Variants in AP3S2 observed in about 807,000 individuals in gnomAD.
AP3S2 encodes the protein adaptor related protein complex 3 subunit sigma 2.
AP3S2 carries 22 observed loss-of-function variants against 23.4 expected under a neutral mutation model. The ratio of observed to expected loss-of-function variants is 0.94; its 90% CI spans 0.67 to 1.34. The LOEUF (loss-of-function observed/expected upper bound fraction) is 1.34. Among genes scored for constraint, AP3S2 ranks in the 40% most tolerant of loss-of-function variants. The pLI, the probability that AP3S2 is intolerant of heterozygous loss-of-function variation, is 0.00. For missense variants in AP3S2, 241 were observed against 236.9 expected, an observed-to-expected ratio of 1.02 and a Z score of -0.11; for synonymous variants, 86 against 87.1, an observed-to-expected ratio of 0.99 and a Z score of 0.07.
intron 1 of AP3S2, 37 bp downstream of exon 1, chr15:89,893,844 G>A (rs1896876523): frequency 1.9e-6 from 3 of 1,549,962 alleles, no homozygotes; most frequent in Admixed American, 2.0e-5. Flanking sequence ...CATAGTGGGC[G>A]CCCTGAAGGG....
At chr15:89,863,704 C>A (rs762392854) in intron 4 of AP3S2, among the ~76,000 whole-genome samples, 1 of 152,178 alleles carries the variant, frequency 6.6e-6, no homozygotes, top group Non-Finnish European at 1.5e-5. Context: ...CCGGCCACAT[C>A]TGCTTAAGGT....
intron 4 of AP3S2, among the ~76,000 whole-genome samples, chr15:89,866,687 G>C (rs956696817): frequency 6.6e-6 from 1 of 151,926 alleles, no homozygotes; most frequent in African/African-American, 2.4e-5. Context: ...GTTTCTCCAT[G>C]TTGGTTAGGC....
At chr15:89,868,386 A>G (rs1398340216) in intron 4 of AP3S2, among the ~76,000 whole-genome samples, 7 of 26,282 alleles carry the variant, frequency 2.7e-4, no homozygotes, top group Admixed American at 1.2e-3. Context: ...TCCGGGAGGG[A>G]GGTGGGGGGG....
chr15:89,859,633 G>A (rs1449999160), intron 4 of AP3S2, among the ~76,000 whole-genome samples: 4 of 151,452 alleles, frequency 2.6e-5, no homozygotes, highest in Middle Eastern at 3.4e-3. Context: ...GACCTCAGGT[G>A]AGCCACCCGC....
intron 4 of AP3S2, among the ~76,000 whole-genome samples, chr15:89,860,574 T>G (rs1895989570): frequency 6.6e-6 from 1 of 152,190 alleles, no homozygotes; most frequent in Non-Finnish European, 1.5e-5. Context: ...AATTTTCCAT[T>G]TAATATTTTT....
intron 3 of AP3S2, among the ~76,000 whole-genome samples, chr15:89,884,895 G>A (rs1009167148): frequency 1.3e-5 from 2 of 152,050 alleles, no homozygotes; most frequent in Non-Finnish European, 2.9e-5. Context: ...TGATCCTCCT[G>A]CCTCGGCCCC....
At chr15:89,884,580 C>T (rs1443432300) in intron 3 of AP3S2, among the ~76,000 whole-genome samples, 1 of 151,656 alleles carries the variant, frequency 6.6e-6, no homozygotes, top group Non-Finnish European at 1.5e-5. Context: ...AACTGATTGT[C>T]GGCTAAGATT....
chr15:89,888,692 C>T, intron 2 of AP3S2, 60 bp from the exon 3 acceptor site: 1 of 1,527,422 alleles, frequency 6.5e-7, no homozygotes, highest in Non-Finnish European at 8.9e-7. Context: ...CAAAAAGAAA[C>T]CTTGTGCCAA....
At chr15:89,844,195 C>CTCTTTCTTTCTTTCTCTT (rs1359197035) in intron 4 of AP3S2, among the ~76,000 whole-genome samples, 2 of 151,630 alleles carry the variant, frequency 1.3e-5, no homozygotes, top group Non-Finnish European at 2.9e-5. Context: ...CCAAAAAACC[C>CTCTTTCTTTCTTTCTCTT]TCTTTCTTTC....
At chr15:89,839,774 C>G (rs1895282735) in intron 4 of AP3S2, among the ~76,000 whole-genome samples, 1 of 152,056 alleles carries the variant, frequency 6.6e-6, no homozygotes, top group African/African-American at 2.4e-5. Context: ...TGTCCATGAA[C>G]AGACGACTGG....
chr15:89,870,409 G>A (rs1273973990), intron 4 of AP3S2, among the ~76,000 whole-genome samples: 2 of 152,076 alleles, frequency 1.3e-5, no homozygotes, highest in African/African-American at 4.8e-5. Flanking sequence ...GAAGGAAAAG[G>A]GTTCCATGAT....
intron 3 of AP3S2, among the ~76,000 whole-genome samples, chr15:89,883,490 G>A (rs894805655): frequency 6.6e-6 from 1 of 151,588 alleles, no homozygotes; most frequent in African/African-American, 2.4e-5. Flanking sequence ...CAACCCCTTG[G>A]GCTCAAGCAG....
rs1021945975 is a variant in AP3S2 at position 89,832,213 on chromosome 15, G to A, written c.*3302C>T. 1 of 152,168 alleles carries A rather than the reference G, an allele frequency of 6.6e-6. No homozygotes were observed. The highest frequency in any genetic ancestry group is 6.5e-5 in the Admixed American group (1 of 15,274). The allele number at this position is 152,168 out of a possible 1,614,324, so 9.4% of individuals were successfully genotyped here. ...AATCCCAACATGTTTGGGAGGCCAA[G>A]GCGGGAGGATGGCTTGAGGTAAGGA... is the stretch of plus-strand genomic sequence containing the variant. On this transcript the variant is annotated 3_prime_UTR_variant, in exon 6 of 6. Coordinates refer to ENST00000336418, the MANE Select transcript of AP3S2 (RefSeq NM_005829.5).
rs1895660933 is a variant in AP3S2, at chr15:89,851,768, G to C, written c.346-14046C>G. 2.6e-5 allele frequency among the ~76,000 whole-genome samples: 4 copies of C among 151,292 alleles called. No individual in the cohort carries two copies. The South Asian group carries it at 6.3e-4, about 24-fold the overall frequency. ...ATTACTTCCTTTTTTAAAAAAACCA[G>C]TTCCTATTATGAGTCAGGGTTCTCC... On this transcript the variant is annotated intron_variant, in intron 4 of 5. Coordinates refer to ENST00000336418, the MANE Select transcript of AP3S2 (RefSeq NM_005829.5).
Position 89,835,947 on chromosome 15 carries a change from G to C in AP3S2, c.454-304C>G, listed in dbSNP as rs547668456. ...GGAGGCTGAGGCAGGAAAATCGCTT[G>C]AACTCAGAAGGCGGAGGTTGCGGTG... On this transcript the variant is annotated intron_variant, in intron 5 of 5. Transcript: ENST00000336418. 1.3e-3 allele frequency among the ~76,000 whole-genome samples: 192 copies of C among 152,268 alleles called. 1 individual carries two copies. Among genetic ancestry groups the C allele is most frequent in the African/African-American group, 4.4e-3 (183 of 41,542 alleles).
chr15:89,882,270 A>G (rs1187001095), intron 3 of AP3S2, among the ~76,000 whole-genome samples: 1 of 152,142 alleles, frequency 6.6e-6, no homozygotes. Flanking sequence ...AATTAAAAAA[A>G]GAAACAAAGT....
intron 4 of AP3S2, among the ~76,000 whole-genome samples, chr15:89,846,859 T>G (rs1895505229): frequency 6.6e-6 from 1 of 152,016 alleles, no homozygotes; most frequent in Non-Finnish European, 1.5e-5. Flanking sequence ...TTGGTAGAAA[T>G]GGGGTCTCAC....
At chr15:89,858,493 A>AAGAAAG (rs1895907201) in intron 4 of AP3S2, among the ~76,000 whole-genome samples, 90 of 60,248 alleles carry the variant, frequency 1.5e-3, no homozygotes, top group Non-Finnish European at 2.2e-3. Flanking sequence ...GAAAGAAAGA[A>AAGAAAG]AGAGAGAGAG....
At chr15:89,891,119 G>A (rs1896810719) in intron 1 of AP3S2, among the ~76,000 whole-genome samples, 1 of 152,166 alleles carries the variant, frequency 6.6e-6, no homozygotes, top group South Asian at 2.1e-4. Context: ...CAGCAGTGGG[G>A]AAGTGGTACG....
Sources: allele counts gnomAD v4.1 joint callset (sites outside exome capture counted in the v4.1 genomes callset), GRCh38; gene constraint gnomAD v4.1.1; transcripts MANE v1.5; gene names NCBI Gene and HGNC (gene_info 2026-07-23, HGNC 2026-07-21).